Variants in ZFHX3 observed in about 807,000 individuals in gnomAD.
ZFHX3 encodes the protein zinc finger homeobox protein 3.
A neutral mutation model predicts 279.1 loss-of-function variants in ZFHX3; 42 were observed. The observed-to-expected ratio is 0.15, with a 90% CI of 0.12 to 0.19. The LOEUF (loss-of-function observed/expected upper bound fraction) is 0.19. ZFHX3 is among the 10% of genes least tolerant of loss of function. The pLI is 1.00. For synonymous variants in ZFHX3, 2,293 were observed against 1,957.8 expected, an observed-to-expected ratio of 1.17 and a Z score of -4.52; for missense variants, 4,981 against 4,754.0, an observed-to-expected ratio of 1.05 and a Z score of -1.40.
At chr16:73,014,512 CTTCTTCTTTTTTTT>C (rs1321491310) in intron 1 of ZFHX3, 1 of 87,372 alleles carries the variant, frequency 1.1e-5, no homozygotes, top group East Asian at 3.7e-4. Flanking sequence ...GTGGTAATTT[CTTCTTCTTTTTTTT>C]TTTTTTTTTT....
At chr16:73,314,845 C>T (rs1326220238) in intron 4 of ZFHX3, among the ~76,000 whole-genome samples, 1 of 152,210 alleles carries the variant, frequency 6.6e-6, no homozygotes, top group Non-Finnish European at 1.5e-5. Flanking sequence ...TACTGAGCAC[C>T]TTCCACTTTC....
At chr16:73,755,271 C>T (rs2053797981) in intron 1 of ZFHX3, among the ~76,000 whole-genome samples, 1 of 152,074 alleles carries the variant, frequency 6.6e-6, no homozygotes, top group African/African-American at 2.4e-5. Context: ...AAGACTCTCA[C>T]CTGTTTACGT....
chr16:73,536,652 T>C (rs8048167), intron 2 of ZFHX3, among the ~76,000 whole-genome samples: 34,961 of 152,172 alleles, frequency 0.23, 4,281 homozygotes, highest in African/African-American at 0.3. Flanking sequence ...GTGTGCCACC[T>C]AAAATGATAC....
chr16:73,165,952 TG>T (rs1218449636), intron 5 of ZFHX3, among the ~76,000 whole-genome samples: 1 of 152,162 alleles, frequency 6.6e-6, no homozygotes, highest in Non-Finnish European at 1.5e-5. Context: ...ATTACGACTG[TG>T]GGCCTAATAA....
At chr16:73,765,928 A>G (rs985588760) in intron 1 of ZFHX3, among the ~76,000 whole-genome samples, 3 of 152,184 alleles carry the variant, frequency 2.0e-5, no homozygotes, top group African/African-American at 4.8e-5. Context: ...AGTTCTATGG[A>G]TAGTGAGTAG....
intron 5 of ZFHX3, among the ~76,000 whole-genome samples, chr16:73,244,424 T>G (rs1293775362): frequency 6.6e-6 from 1 of 152,140 alleles, no homozygotes; most frequent in Non-Finnish European, 1.5e-5. Context: ...GATTCGAGAA[T>G]GATTTTCACA....
At chr16:72,929,323 T>C (rs916105626) in intron 3 of ZFHX3, among the ~76,000 whole-genome samples, 8 of 151,938 alleles carry the variant, frequency 5.3e-5, no homozygotes, top group Non-Finnish European at 1.0e-4. Context: ...TGGTTCTACC[T>C]ATATGTTAAA....
In ZFHX3 at chr16:73,295,412, C is replaced by T. The variant is rs2143112793; in HGVS notation, c.-1194+22828G>A. ...GCATTTGCTGGTTTGGAAAGAGTAT[C>T]GAATGTAAGGTGTGAATTTTTTAAA... On this transcript the variant is annotated intron_variant, in intron 4 of 17. Transcript: ENST00000641206. Among the ~76,000 whole-genome samples the T allele has an allele frequency of 1.3e-5, 2 of 152,238 alleles. 1 individual carries two copies. The highest frequency in any genetic ancestry group is 4.1e-4 in the South Asian group (2 of 4,824).
intron 1 of ZFHX3, among the ~76,000 whole-genome samples, chr16:72,999,038 C>T (rs973424823): frequency 6.6e-6 from 1 of 152,226 alleles, no homozygotes; most frequent in Non-Finnish European, 1.5e-5. Flanking sequence ...AAACAGGAGA[C>T]TTCCATTTTG....
intron 2 of ZFHX3, among the ~76,000 whole-genome samples, chr16:73,617,214 G>C (rs1597030106): frequency 6.6e-6 from 1 of 152,326 alleles, no homozygotes; most frequent in East Asian, 1.9e-4. Context: ...AGCTGTAATT[G>C]ATATGACGGG....
At chr16:73,489,182 C>T (rs926687290) in intron 2 of ZFHX3, among the ~76,000 whole-genome samples, 11 of 152,196 alleles carry the variant, frequency 7.2e-5, no homozygotes, top group African/African-American at 2.7e-4. Context: ...TTGATCCCAG[C>T]ATTTGAATCT....
intron 1 of ZFHX3, among the ~76,000 whole-genome samples, chr16:73,005,192 AATAAGTTC>A (rs1288030113): frequency 6.6e-6 from 1 of 152,212 alleles, no homozygotes; most frequent in Non-Finnish European, 1.5e-5. Flanking sequence ...ATGAGGATTA[AATAAGTTC>A]ATATAAAGTC....
intron 3 of ZFHX3, among the ~76,000 whole-genome samples, chr16:73,354,575 G>A (rs779506149): frequency 1.4e-4 from 21 of 152,256 alleles, no homozygotes; most frequent in African/African-American, 4.3e-4. Flanking sequence ...TCTGGACCAC[G>A]TGCATTTGAC....
intron 1 of ZFHX3, among the ~76,000 whole-genome samples, chr16:72,987,876 GGACA>G (rs944817552): frequency 2.6e-5 from 4 of 152,292 alleles, no homozygotes; most frequent in Non-Finnish European, 4.4e-5. Flanking sequence ...AAGTGGCAAA[GGACA>G]GACAAACGCC....
intron 7 of ZFHX3, among the ~76,000 whole-genome samples, chr16:73,128,484 G>T (rs1966611868): frequency 6.6e-6 from 1 of 152,152 alleles, no homozygotes; most frequent in African/African-American, 2.4e-5. Flanking sequence ...ATAAATGACA[G>T]GCAGGAATGC....
chr16:73,577,587 A>G (rs1470188781), intron 2 of ZFHX3, among the ~76,000 whole-genome samples: 1 of 151,988 alleles, frequency 6.6e-6, no homozygotes, highest in East Asian at 1.9e-4. Context: ...CCACTTCCCA[A>G]CCTCCCAAAA....
intron 1 of ZFHX3, among the ~76,000 whole-genome samples, chr16:73,021,401 C>T (rs567672319): frequency 3.9e-5 from 6 of 152,264 alleles, no homozygotes; most frequent in Non-Finnish European, 8.8e-5. Context: ...AGGATAAGCA[C>T]CTGGAGCAGA....
At chr16:73,293,206 A>G (rs1413530677) in intron 4 of ZFHX3, among the ~76,000 whole-genome samples, 1 of 152,216 alleles carries the variant, frequency 6.6e-6, no homozygotes, top group African/African-American at 2.4e-5. Flanking sequence ...CTGCAAGATT[A>G]GAATTTTTGA....
intron 7 of ZFHX3, among the ~76,000 whole-genome samples, chr16:72,803,674 T>C (rs2036182094): frequency 6.6e-6 from 1 of 152,212 alleles, no homozygotes; most frequent in South Asian, 2.1e-4. Context: ...ACACCTACAC[T>C]TTCTACATTG....
Sources: gnomAD v4.1 joint callset for allele counts (sites outside exome capture counted in the v4.1 genomes callset) on GRCh38, gnomAD v4.1.1 for gene constraint, MANE v1.5 for transcripts, NCBI Gene and HGNC (gene_info 2026-07-23, HGNC 2026-07-21) for gene names.